RAPGEF4: variants seen among roughly 807,000 people sequenced by gnomAD.
The protein encoded by RAPGEF4 is Rap guanine nucleotide exchange factor 4, also known as RAP guanine-nucleotide-exchange factor (GEF) 4.
Under a neutral mutation model 147.9 loss-of-function variants are expected in RAPGEF4, and 66 were observed. The ratio of observed to expected loss-of-function variants is 0.45; its 90% CI spans 0.37 to 0.55. RAPGEF4 has a LOEUF of 0.55. Ranked by LOEUF, RAPGEF4 falls within the 20% of genes least tolerant of loss-of-function variation. RAPGEF4 has a pLI of 0.00. For synonymous variants in RAPGEF4, 419 were observed against 442.7 expected (o/e 0.95, Z 0.67); for missense variants, 1,071 against 1,257.3 (o/e 0.85, Z 2.24).
intron 6 of RAPGEF4, among the ~76,000 whole-genome samples, chr2:172,931,704 T>G (rs1241997677): frequency 6.6e-6 from 1 of 152,148 alleles, no homozygotes; most frequent in Non-Finnish European, 1.5e-5. Context: ...GCAGCTGGCT[T>G]GTTTGGGGCA....
intron 4 of RAPGEF4, among the ~76,000 whole-genome samples, chr2:172,843,472 G>T (rs1293652448): frequency 6.6e-6 from 1 of 152,134 alleles, no homozygotes; most frequent in Admixed American, 6.5e-5. Context: ...ACAAAATTAA[G>T]ATTTTCTTCA....
intron 26 of RAPGEF4, among the ~76,000 whole-genome samples, chr2:173,033,483 T>A (rs1697388086): frequency 6.6e-6 from 1 of 152,194 alleles, no homozygotes; most frequent in Non-Finnish European, 1.5e-5. Flanking sequence ...GTTTACCTTA[T>A]AAGGGAGGAG....
intron 4 of RAPGEF4, among the ~76,000 whole-genome samples, chr2:172,826,629 T>G (rs975133034): frequency 6.6e-6 from 1 of 152,186 alleles, no homozygotes; most frequent in African/African-American, 2.4e-5. Flanking sequence ...CCCAGGGACA[T>G]ACACCACTTT....
intron 4 of RAPGEF4, among the ~76,000 whole-genome samples, chr2:172,842,798 T>C (rs926837469): frequency 3.3e-5 from 5 of 152,208 alleles, no homozygotes; most frequent in African/African-American, 7.2e-5. Flanking sequence ...GGAGGGAACA[T>C]AGGCCTTGCT....
chr2:172,757,931 A>C (rs1695930969), intron 1 of RAPGEF4, among the ~76,000 whole-genome samples: 1 of 152,232 alleles, frequency 6.6e-6, no homozygotes, highest in Non-Finnish European at 1.5e-5. Flanking sequence ...CATGGAGCTT[A>C]CATTCTAACA....
At chr2:173,032,948 T>C (rs1334616657) in intron 26 of RAPGEF4, among the ~76,000 whole-genome samples, 1 of 152,082 alleles carries the variant, frequency 6.6e-6, no homozygotes, top group Non-Finnish European at 1.5e-5. Flanking sequence ...AGTCCTGGGA[T>C]GGGAAACGTA....
chr2:172,817,964 A>T (rs1688677683), intron 4 of RAPGEF4, among the ~76,000 whole-genome samples: 1 of 147,976 alleles, frequency 6.8e-6, no homozygotes, highest in Non-Finnish European at 1.5e-5. Context: ...TATGAATTAT[A>T]TATATATATA....
At chr2:172,986,232 G>C (rs944329192) in intron 12 of RAPGEF4, among the ~76,000 whole-genome samples, 5 of 152,220 alleles carry the variant, frequency 3.3e-5, no homozygotes, top group Non-Finnish European at 4.4e-5. Flanking sequence ...TGTGTTCTCA[G>C]AAGTTCTGCA....
intron 4 of RAPGEF4, among the ~76,000 whole-genome samples, chr2:172,857,123 A>G (rs1482872556): frequency 6.6e-6 from 1 of 151,390 alleles, no homozygotes; most frequent in Non-Finnish European, 1.5e-5. Context: ...CAGAAGCAGA[A>G]CTCTATTATC....
intron 5 of RAPGEF4, among the ~76,000 whole-genome samples, chr2:172,919,271 C>A (rs114912949): frequency 1.3e-5 from 2 of 152,148 alleles, no homozygotes; most frequent in African/African-American, 4.8e-5. Context: ...GGGTGCCAGG[C>A]ATGTAAAAAG....
intron 6 of RAPGEF4, among the ~76,000 whole-genome samples, chr2:172,958,850 T>C (rs1158771895): frequency 6.6e-6 from 1 of 152,248 alleles, no homozygotes; most frequent in African/African-American, 2.4e-5. Flanking sequence ...TATTCTTTTC[T>C]CTTTTTCCTT....
chr2:173,052,861 G>C lies in RAPGEF4; in HGVS notation c.*1094G>C, dbSNP rs1044620937. 1 of 152,004 alleles carries C rather than the reference G, an allele frequency of 6.6e-6. No individual in the cohort carries two copies. The highest frequency in any genetic ancestry group is 3.4e-3 in the Middle Eastern group (1 of 294). 9.4% of individuals were successfully genotyped at this position (152,004 alleles called of 1,614,324 possible). On this transcript the variant is annotated 3_prime_UTR_variant, in exon 31 of 31. Transcript: ENST00000397081. ...GTATATCTTCTGTAAATAACATCTA[G>C]TATCTTCACTAAATATAATTGTCGA...
intron 3 of RAPGEF4, among the ~76,000 whole-genome samples, chr2:172,804,609 C>G (rs1293834559): frequency 6.6e-6 from 1 of 152,168 alleles, no homozygotes; most frequent in Non-Finnish European, 1.5e-5. Flanking sequence ...TGCCTCTGCT[C>G]TCCTGTGCTT....
At chr2:172,919,822 T>G (rs1220666598) in intron 5 of RAPGEF4, among the ~76,000 whole-genome samples, 1 of 152,058 alleles carries the variant, frequency 6.6e-6, no homozygotes, top group Non-Finnish European at 1.5e-5. Flanking sequence ...ACAATTCCAT[T>G]GTTCTCCTCT....
chr2:172,782,253 A>G (rs947815968), intron 1 of RAPGEF4, among the ~76,000 whole-genome samples: 1 of 152,202 alleles, frequency 6.6e-6, no homozygotes, highest in Non-Finnish European at 1.5e-5. Flanking sequence ...CCCTGTTAAA[A>G]ATGTGTTCCA....
At chr2:172,904,611 G>A (rs1457281632) in intron 4 of RAPGEF4, among the ~76,000 whole-genome samples, 1 of 152,178 alleles carries the variant, frequency 6.6e-6, no homozygotes, top group African/African-American at 2.4e-5. Flanking sequence ...CAAATGGGTT[G>A]AGTGTGCTTC....
rs374468976 is a variant in RAPGEF4 at position 172,965,656 on chromosome 2, C to G, written c.793C>G (p.Leu265Val). ...TCAAGCTGTTGGCATGTGGCAAGTCCTGTTAGAAGATGGTGTTCTCAACCA... is the reference window on the plus strand; with the variant it reads ...TCAAGCTGTTGGCATGTGGCAAGTCGTGTTAGAAGATGGTGTTCTCAACCA... Reference protein sequence around the residue: ...RTQAVGMWQVLLEDGVLNHVD... With the variant: ...RTQAVGMWQVVLEDGVLNHVD... The change falls in exon 9 of 31, where the codon CTG becomes GTG. Residue 265 changes from leucine to valine, a missense_variant. Leu to Val is a conservative substitution (Grantham distance 32). Transcript: ENST00000397081. The G allele has an allele frequency of 9.9e-5, 160 of 1,614,042 alleles. No homozygotes were observed. The highest frequency in any genetic ancestry group is 1.1e-4 in the Non-Finnish European group (124 of 1,180,020).
chr2:172,741,854 G>A (rs983911780), intron 1 of RAPGEF4, among the ~76,000 whole-genome samples: 1 of 152,048 alleles, frequency 6.6e-6, no homozygotes, highest in South Asian at 2.1e-4. Context: ...AAAATTTTTT[G>A]TAGAGATGGA....
At chr2:172,939,862 G>T (rs12693014) in intron 6 of RAPGEF4, among the ~76,000 whole-genome samples, 47,492 of 151,894 alleles carry the variant, frequency 0.31, 8,075 homozygotes, top group Middle Eastern at 0.4. Flanking sequence ...AGTTTTTCCA[G>T]CTCCATTTCT....
Sources: allele counts gnomAD v4.1 joint callset (sites outside exome capture counted in the v4.1 genomes callset), GRCh38; gene constraint gnomAD v4.1.1; transcripts MANE v1.5; gene names NCBI Gene and HGNC (gene_info 2026-07-23, HGNC 2026-07-21).